STON2: variants seen among roughly 807,000 people sequenced by gnomAD.
STON2 encodes stonin 2.
STON2 carries 29 observed loss-of-function variants against 65.7 expected under a neutral mutation model. The observed-to-expected ratio is 0.44, with a 90% confidence interval of 0.33 to 0.60. STON2 has a LOEUF of 0.60. STON2 is among the 20% of genes least tolerant of loss of function. The pLI, the probability that STON2 is intolerant of heterozygous loss-of-function variation, is 0.03. For synonymous variants in STON2, 404 were observed against 414.2 expected (o/e 0.98, Z 0.30); for missense variants, 1,054 against 1,118.1 (o/e 0.94, Z 0.82).
chr14:81,270,641 A>C (rs199597663), intron 7 of STON2, 29 bp downstream of exon 7: 1 of 1,614,168 alleles, frequency 6.2e-7, no homozygotes, highest in East Asian at 2.2e-5. Flanking sequence ...TGGAGTTGGA[A>C]GCATTAGCCA....
intron 2 of STON2, among the ~76,000 whole-genome samples, chr14:81,421,689 T>C (rs1291205581): frequency 6.6e-6 from 1 of 152,216 alleles, no homozygotes; most frequent in African/African-American, 2.4e-5. Flanking sequence ...GATCAATTTT[T>C]GTACCATTTG....
intron 3 of STON2, among the ~76,000 whole-genome samples, chr14:81,384,749 T>A (rs1161798483): frequency 6.6e-6 from 1 of 152,214 alleles, no homozygotes; most frequent in Non-Finnish European, 1.5e-5. Flanking sequence ...AGTATTTTTC[T>A]TTCTTCTTGT....
At chr14:81,328,070 A>G (rs1169954686) in intron 4 of STON2, among the ~76,000 whole-genome samples, 1 of 152,214 alleles carries the variant, frequency 6.6e-6, no homozygotes, top group African/African-American at 2.4e-5. Context: ...AGTATGTTTC[A>G]GTGTCTGACA....
chr14:81,313,361 C>T (rs980540685), intron 5 of STON2, among the ~76,000 whole-genome samples: 2 of 152,170 alleles, frequency 1.3e-5, no homozygotes, highest in South Asian at 4.1e-4. Context: ...CTCCATAAAG[C>T]CTGACGCAGC....
chr14:81,315,867 T>C (rs1432436306), intron 5 of STON2, among the ~76,000 whole-genome samples: 3 of 152,198 alleles, frequency 2.0e-5, no homozygotes, highest in African/African-American at 7.2e-5. Context: ...TTATGTAGCA[T>C]CCATGTATAC....
chr14:81,312,940 C>T (rs562631556), intron 5 of STON2, among the ~76,000 whole-genome samples: 1 of 152,172 alleles, frequency 6.6e-6, no homozygotes, highest in Non-Finnish European at 1.5e-5. Flanking sequence ...TTGTAAGGCT[C>T]GGCAGTCAAA....
At chr14:81,329,031 T>C (rs1436799308) in intron 4 of STON2, among the ~76,000 whole-genome samples, 4 of 152,194 alleles carry the variant, frequency 2.6e-5, no homozygotes, top group African/African-American at 9.7e-5. Flanking sequence ...GACTACGATG[T>C]TGAAGTCCTA....
chr14:81,282,889 T>A (rs1286452967), intron 5 of STON2, among the ~76,000 whole-genome samples: 1 of 152,120 alleles, frequency 6.6e-6, no homozygotes, highest in Non-Finnish European at 1.5e-5. Flanking sequence ...AGCTGGCAAA[T>A]TTCTCCAGTA....
chr14:81,370,140 G>C (rs1176571036), intron 4 of STON2, among the ~76,000 whole-genome samples: 1 of 152,106 alleles, frequency 6.6e-6, no homozygotes, highest in Non-Finnish European at 1.5e-5. Context: ...CATAGCATGA[G>C]GGCAAACATC....
At chr14:81,311,240 G>A (rs762543862) in intron 5 of STON2, among the ~76,000 whole-genome samples, 11 of 152,254 alleles carry the variant, frequency 7.2e-5, no homozygotes, top group African/African-American at 9.6e-5. Context: ...TAGGAGGCAG[G>A]AGAAGAGTAT....
At chr14:81,313,025 C>T (rs1896485916) in intron 5 of STON2, among the ~76,000 whole-genome samples, 1 of 152,228 alleles carries the variant, frequency 6.6e-6, no homozygotes. Context: ...TGTCATTGTC[C>T]TCCTTGTACT....
intron 2 of STON2, among the ~76,000 whole-genome samples, chr14:81,411,683 G>C (rs1901168610): frequency 6.6e-6 from 1 of 152,186 alleles, no homozygotes; most frequent in Non-Finnish European, 1.5e-5. Context: ...CTCTAGCCTG[G>C]CAAGGCTTTG....
chr14:81,376,660 G>C (rs1899267109), intron 3 of STON2, among the ~76,000 whole-genome samples: 1 of 152,100 alleles, frequency 6.6e-6, no homozygotes, highest in Non-Finnish European at 1.5e-5. Context: ...ACCAAAACCT[G>C]ACAATATATA....
At chr14:81,333,086 G>T in intron 4 of STON2, 2 of 828,976 alleles carry the variant, frequency 2.4e-6, no homozygotes, top group Non-Finnish European at 4.0e-6. Context: ...TGTCTTACAA[G>T]TCTATGTTTG....
At chr14:81,316,011 G>A (rs1896605185) in intron 5 of STON2, among the ~76,000 whole-genome samples, 1 of 152,188 alleles carries the variant, frequency 6.6e-6, no homozygotes, top group Admixed American at 6.5e-5. Context: ...TGTTTGCAAT[G>A]TGTTAATTGG....
At chr14:81,423,296 A>G (rs1403531639) in intron 2 of STON2, among the ~76,000 whole-genome samples, 2 of 152,166 alleles carry the variant, frequency 1.3e-5, no homozygotes, top group Non-Finnish European at 2.9e-5. Flanking sequence ...AGCTCTCTGA[A>G]TCTCTTTGAG....
At chr14:81,328,096 A>AT (rs1417405757) in intron 4 of STON2, among the ~76,000 whole-genome samples, 1 of 152,192 alleles carries the variant, frequency 6.6e-6, no homozygotes, top group Non-Finnish European at 1.5e-5. Flanking sequence ...TAGATACTCA[A>AT]TAAGTTGTAG....
intron 5 of STON2, chr14:81,323,715 A>G (rs772723891): frequency 6.6e-6 from 1 of 152,154 alleles, no homozygotes; most frequent in African/African-American, 2.4e-5. Context: ...CTCAAAACCT[A>G]TTTGGTAAGC....
At chr14:81,421,259 A>C (rs973837753) in intron 2 of STON2, among the ~76,000 whole-genome samples, 3 of 152,174 alleles carry the variant, frequency 2.0e-5, no homozygotes, top group African/African-American at 4.8e-5. Flanking sequence ...TGTTTTCTGA[A>C]CTATAGGTGA....
Sources: allele counts gnomAD v4.1 joint callset (sites outside exome capture counted in the v4.1 genomes callset), GRCh38; gene constraint gnomAD v4.1.1; transcripts MANE v1.5; gene names NCBI Gene and HGNC (gene_info 2026-07-23, HGNC 2026-07-21).